Variants in MEGF10 observed in about 807,000 individuals in gnomAD.
The protein encoded by MEGF10 is multiple epidermal growth factor-like domains protein 10.
MEGF10 carries 86 observed loss-of-function variants against 147.5 expected under a neutral mutation model. That is an observed-to-expected ratio of 0.58 (90% CI 0.49 to 0.70). The LOEUF (loss-of-function observed/expected upper bound fraction) is 0.70, where lower values mean the gene tolerates loss of function less well. Among genes scored for constraint, MEGF10 ranks in the 30% least tolerant of loss-of-function variants. The pLI, the probability that MEGF10 is intolerant of heterozygous loss-of-function variation, is 0.00. For synonymous variants in MEGF10, 478 were observed against 525.5 expected (o/e 0.91, Z 1.24); for missense variants, 1,329 against 1,487.3 (o/e 0.89, Z 1.75).
intron 22 of MEGF10, among the ~76,000 whole-genome samples, chr5:127,452,215 A>G (rs1580889145): frequency 6.6e-6 from 1 of 152,154 alleles, no homozygotes; most frequent in South Asian, 2.1e-4. Context: ...CTTATTCCCT[A>G]ACTTACTATC....
chr5:127,309,999 TTCCTTCC>T (rs1760207656), intron 1 of MEGF10, among the ~76,000 whole-genome samples: 1 of 65,206 alleles, frequency 1.5e-5, no homozygotes, highest in African/African-American at 5.8e-5. Flanking sequence ...CTTTCTTTCC[TTCCTTCC>T]TTCCTTTCTT....
At chr5:127,402,049 C>G (rs1264261696) in intron 7 of MEGF10, among the ~76,000 whole-genome samples, 1 of 152,166 alleles carries the variant, frequency 6.6e-6, no homozygotes, top group Non-Finnish European at 1.5e-5. Context: ...TTGTGTTATG[C>G]TACATTTTAA....
chr5:127,372,871 TC>T (rs936704481), intron 5 of MEGF10, among the ~76,000 whole-genome samples: 8 of 152,274 alleles, frequency 5.3e-5, no homozygotes, highest in African/African-American at 1.9e-4. Flanking sequence ...GTTACAATTT[TC>T]CCCTTTCTGT....
Position 127,447,670 on chromosome 5 carries a change from A to T in MEGF10, c.2842A>T (p.Met948Leu), listed in dbSNP as rs1209069765. Residue 948 changes from methionine (M) to leucine (L), a missense_variant, in exon 21 of 25, where the codon ATG becomes TTG. This residue lies in a region of MEGF10 where 343 missense variants were observed against 377.9 expected (regional missense o/e 0.91). Coordinates refer to ENST00000503335, the MANE Select transcript of MEGF10 (RefSeq NM_001256545.2). ...CCCTCACGTCAACAACAGGGACAGG[A>T]TGACTGTCACGAAGGTGAGAGGAAT... ...TSPHVNNRDRMTVTKSKNNQL... is the reference protein window; with the variant it reads ...TSPHVNNRDRLTVTKSKNNQL... The T allele has an allele frequency of 6.2e-7, 1 of 1,614,010 alleles. No individual in the cohort carries two copies. The highest frequency in any genetic ancestry group is 2.2e-5 in the East Asian group (1 of 44,892).
At chr5:127,405,554 A>C (rs1044354680) in intron 8 of MEGF10, among the ~76,000 whole-genome samples, 5 of 152,128 alleles carry the variant, frequency 3.3e-5, no homozygotes, top group African/African-American at 1.2e-4. Flanking sequence ...TATCATCTAC[A>C]AATAAACATA....
At chr5:127,281,730 C>T in the MEGF10 span, among the ~76,000 whole-genome samples, 9,793 of 152,254 alleles carry the variant, frequency 0.064, 933 homozygotes, top group African/African-American at 0.21. Flanking sequence ...GATGTCTGGA[C>T]ACTGCTGAAG....
Position 127,460,552 on chromosome 5 carries a change from A to G in MEGF10, c.*3234A>G, listed in dbSNP as rs966455393. ...GCATAATGACTGTGTGTTCTGAGAA[A>G]TGCAAACAACTTTATGAAAGTGTGG... On this transcript the variant is annotated 3_prime_UTR_variant, in exon 25 of 25. Coordinates refer to ENST00000503335, the MANE Select transcript of MEGF10 (RefSeq NM_001256545.2). 1.3e-5 allele frequency: 2 copies of G among 152,210 alleles called. No homozygotes were observed. Among genetic ancestry groups the G allele is most frequent in the Admixed American group, 1.3e-4 (2 of 15,280 alleles). 9.4% of individuals were successfully genotyped at this position (152,210 alleles called of 1,614,324 possible).
chr5:127,247,634 C>G, the MEGF10 span, among the ~76,000 whole-genome samples: 1 of 151,952 alleles, frequency 6.6e-6, no homozygotes, highest in Admixed American at 6.6e-5. Context: ...TGTAAAGTGA[C>G]CATTTTAGGC....
In MEGF10 at chr5:127,440,785, A is replaced by G. The variant is rs1288012610; in HGVS notation, c.2280A>G (p.Gln760=). The change falls in exon 18 of 25, where the codon CAA becomes CAG. Residue 760 remains glutamine (Q), a synonymous_variant. Coordinates refer to ENST00000503335, the MANE Select transcript of MEGF10 (RefSeq NM_001256545.2). ...FYGKDCALIC[Q]CQNGADCDHI... is the part of the protein sequence containing the mutation. Reference sequence around the variant, plus strand: ...GAAAAGATTGTGCACTGATATGCCAATGTCAAAACGGAGCTGACTGCGACC... The same window carrying G: ...GAAAAGATTGTGCACTGATATGCCAGTGTCAAAACGGAGCTGACTGCGACC... 1 of 1,614,140 alleles carries G rather than the reference A, an allele frequency of 6.2e-7. No homozygotes were observed. Among genetic ancestry groups the G allele is most frequent in the Non-Finnish European group, 8.5e-7 (1 of 1,179,980 alleles).
At chr5:127,451,726 A>G (rs533611249) in intron 22 of MEGF10, among the ~76,000 whole-genome samples, 2 of 152,218 alleles carry the variant, frequency 1.3e-5, no homozygotes, top group Non-Finnish European at 2.9e-5. Context: ...ACTGAGTGTT[A>G]GGAACCTAGG....
In MEGF10 at chr5:127,345,710, T is replaced by G. The variant is rs528707455; in HGVS notation, c.319+5080T>G. On this transcript the variant is annotated intron_variant, in intron 4 of 24. Coordinates refer to ENST00000503335, the MANE Select transcript of MEGF10 (RefSeq NM_001256545.2). ...TTGATTTGGAGATTTTTCTTTTATTTCAATTGTTTTTTAAGGAACAGGTAG... is the reference window on the plus strand; with the variant it reads ...TTGATTTGGAGATTTTTCTTTTATTGCAATTGTTTTTTAAGGAACAGGTAG... Among the ~76,000 whole-genome samples, 8 of 152,274 alleles carry G rather than the reference T, an allele frequency of 5.3e-5. No individual in the cohort carries two copies. In the East Asian group the frequency reaches 1.5e-3, roughly 29 times the overall value.
rs1766089954 is a variant in MEGF10, at chr5:127,449,852, G to A, written c.2980+630G>A. Among the ~76,000 whole-genome samples the A allele has an allele frequency of 3.3e-5, 5 of 151,588 alleles. No homozygotes were observed. In the South Asian group the frequency reaches 1.0e-3, roughly 32 times the overall value. ...ACCCAAAAGAGCTTCTGTTGATAGG[G>A]GCTATATCTATTTATATTTACCATA... On this transcript the variant is annotated intron_variant, in intron 22 of 24. Transcript: ENST00000503335.
At chr5:127,443,176 A>T (rs755952902) in intron 19 of MEGF10, 50 bp downstream of exon 19, 1 of 1,534,680 alleles carries the variant, frequency 6.5e-7, no homozygotes, top group Non-Finnish European at 8.8e-7. Flanking sequence ...TGTGAACACC[A>T]TGTACCAGGC....
intron 1 of MEGF10, among the ~76,000 whole-genome samples, chr5:127,325,907 A>T (rs58222343): frequency 0.12 from 1,657 of 14,142 alleles, 41 homozygotes; most frequent in African/African-American, 0.22. Flanking sequence ...ATATATATAT[A>T]TATTTTTTTT....
Position 127,337,782 on chromosome 5 carries a change from C to T in MEGF10, c.117-1338C>T, listed in dbSNP as rs920323783. On this transcript the variant is annotated intron_variant, in intron 2 of 24. Coordinates refer to ENST00000503335, the MANE Select transcript of MEGF10 (RefSeq NM_001256545.2). The stretch of plus-strand genomic sequence containing the variant: ...GACTCCTTTTATTTTAAAACGTGAT[C>T]ATGAGGACCCAGGGAAGTGAGGTTA... Among the ~76,000 whole-genome samples the T allele has an allele frequency of 2.0e-5, 3 of 152,184 alleles. No individual in the cohort carries two copies. In the East Asian group the frequency reaches 5.8e-4, roughly 29 times the overall value.
intron 4 of MEGF10, among the ~76,000 whole-genome samples, chr5:127,360,369 G>GT (rs1762426392): frequency 1.3e-5 from 2 of 151,880 alleles, no homozygotes; most frequent in African/African-American, 4.8e-5. Context: ...TTTTTTAGTA[G>GT]TTTTTTTGTA....
At chr5:127,418,539 T>C (rs972068369) in intron 10 of MEGF10, among the ~76,000 whole-genome samples, 1 of 152,226 alleles carries the variant, frequency 6.6e-6, no homozygotes, top group African/African-American at 2.4e-5. Flanking sequence ...GGTTCAGCCC[T>C]TGAATTAGCT....
At position 127,461,136 on chromosome 5, in the gene MEGF10, A is replaced by G. The variant is rs1365793053; in HGVS notation, c.*3818A>G. On this transcript the variant is annotated 3_prime_UTR_variant, in exon 25 of 25. Transcript: ENST00000503335. Reference sequence around the variant, plus strand: ...GAAATATCTCTATTTTCCAAAGATGATAAACTTTCATCGTTCTTAGCCTAC... The same window carrying G: ...GAAATATCTCTATTTTCCAAAGATGGTAAACTTTCATCGTTCTTAGCCTAC... 2.0e-5 allele frequency: 3 copies of G among 152,200 alleles called. No individual in the cohort carries two copies. The highest frequency in any genetic ancestry group is 2.9e-5 in the Non-Finnish European group (2 of 68,032). The allele number at this position is 152,200 out of a possible 1,614,324, so 9.4% of individuals were successfully genotyped here.
chr5:127,243,914 C>T, the MEGF10 span, among the ~76,000 whole-genome samples: 1 of 151,992 alleles, frequency 6.6e-6, no homozygotes, highest in African/African-American at 2.4e-5. Flanking sequence ...AAGCATTCTT[C>T]TGCTGGGCAT....
Sources: gnomAD v4.1 joint callset for allele counts (sites outside exome capture counted in the v4.1 genomes callset) on GRCh38, gnomAD v4.1.1 for gene constraint, gnomAD v4.1.1 regional missense constraint, MANE v1.5 for transcripts, NCBI Gene and HGNC (gene_info 2026-07-23, HGNC 2026-07-21) for gene names.